Variants in ROBO2 observed in about 807,000 individuals in gnomAD.
The protein encoded by ROBO2 is roundabout homolog 2.
In ROBO2, 53 loss-of-function variants were observed where a neutral mutation model predicts 160.8. The observed-to-expected ratio is 0.33, with a 90% CI of 0.26 to 0.41. The LOEUF (loss-of-function observed/expected upper bound fraction) is 0.41. Ranked by LOEUF, ROBO2 falls within the 10% of genes least tolerant of loss-of-function variation. ROBO2 has a pLI of 1.00. For synonymous variants in ROBO2, 664 were observed against 611.7 expected, an observed-to-expected ratio of 1.09 and a Z score of -1.26; for missense variants, 1,577 against 1,722.4, an observed-to-expected ratio of 0.92 and a Z score of 1.49.
At chr3:75,908,264 G>T (rs1310450803) in intron 1 of ROBO2, among the ~76,000 whole-genome samples, 2 of 152,050 alleles carry the variant, frequency 1.3e-5, no homozygotes, top group Non-Finnish European at 2.9e-5. Flanking sequence ...GAGCTTAAAG[G>T]TTTCTCAGAT....
chr3:76,597,672 T>A (rs890563843), intron 2 of ROBO2, among the ~76,000 whole-genome samples: 1 of 152,128 alleles, frequency 6.6e-6, no homozygotes, highest in Non-Finnish European at 1.5e-5. Context: ...AAATGATACA[T>A]TTTCTGATCC....
At chr3:77,292,900 C>T (rs1184716149) in intron 2 of ROBO2, among the ~76,000 whole-genome samples, 7 of 147,180 alleles carry the variant, frequency 4.8e-5, no homozygotes, top group Non-Finnish European at 1.0e-4. Flanking sequence ...AAACGGTAAG[C>T]TGAGGCTAGA....
intron 2 of ROBO2, among the ~76,000 whole-genome samples, chr3:76,439,951 TGA>T (rs2076849237): frequency 6.6e-6 from 1 of 152,096 alleles, no homozygotes; most frequent in African/African-American, 2.4e-5. Context: ...TCCTTAAGCC[TGA>T]GCAGGTTCTA....
At position 76,572,627 on chromosome 3, in the gene ROBO2, C is replaced by T. The variant is rs191532677; in HGVS notation, c.110-525387C>T. 5.3e-5 allele frequency among the ~76,000 whole-genome samples: 8 copies of T among 152,184 alleles called. No individual in the cohort carries two copies. In the East Asian group the frequency reaches 5.8e-4, roughly 11 times the overall value. On this transcript the variant is annotated intron_variant, in intron 2 of 26. Coordinates refer to the ROBO2 transcript ENST00000487694. ...AGATATTCTTATGTCAAAATGAATA[C>T]GTCAAAAAGTATGTAAGTCTCTGAG...
At chr3:76,877,553 G>T (rs184773452) in intron 2 of ROBO2, among the ~76,000 whole-genome samples, 26 of 152,306 alleles carry the variant, frequency 1.7e-4, no homozygotes, top group Non-Finnish European at 3.1e-4. Flanking sequence ...TGAAGTAAAT[G>T]ATGACATGTT....
intron 2 of ROBO2, among the ~76,000 whole-genome samples, chr3:76,275,117 G>A (rs186057611): frequency 1.2e-4 from 19 of 152,186 alleles, no homozygotes; most frequent in African/African-American, 4.1e-4. Context: ...CAATAATTGC[G>A]CCGTGCAAGT....
intron 2 of ROBO2, among the ~76,000 whole-genome samples, chr3:77,200,553 C>A (rs921795214): frequency 1.3e-5 from 2 of 151,680 alleles, no homozygotes; most frequent in African/African-American, 2.4e-5. Flanking sequence ...GGCTGAGGGT[C>A]CCATGAACAG....
intron 2 of ROBO2, among the ~76,000 whole-genome samples, chr3:76,916,469 G>A (rs1432170240): frequency 6.6e-6 from 1 of 151,664 alleles, no homozygotes; most frequent in African/African-American, 2.4e-5. Context: ...AGCCTCCCGA[G>A]CATTTGGGAC....
At chr3:76,412,672 A>G (rs2075555240) in intron 2 of ROBO2, among the ~76,000 whole-genome samples, 2 of 152,228 alleles carry the variant, frequency 1.3e-5, no homozygotes, top group Non-Finnish European at 2.9e-5. Flanking sequence ...ACTCTAGGTC[A>G]TGCTGATGGA....
At chr3:77,108,842 T>C (rs1478836115) in intron 2 of ROBO2, among the ~76,000 whole-genome samples, 1 of 152,112 alleles carries the variant, frequency 6.6e-6, no homozygotes, top group Non-Finnish European at 1.5e-5. Context: ...ATAATTTAAA[T>C]AGCGAGGTAG....
Position 77,074,673 on chromosome 3 carries a change from T to C in ROBO2, c.62-23341T>C, listed in dbSNP as rs140376203. On this transcript the variant is annotated intron_variant, in intron 1 of 25. Transcript: ENST00000461745. ...CTTCCTAGAGAAAGCATCACCTTTA[T>C]TGTTTGATCTCCCCTTCTGTGATGT... 1.6e-3 allele frequency among the ~76,000 whole-genome samples: 237 copies of C among 152,274 alleles called. 3 individuals are homozygous for C. Among genetic ancestry groups the C allele is most frequent in the African/African-American group, 5.6e-3 (233 of 41,562 alleles).
intron 5 of ROBO2, among the ~76,000 whole-genome samples, chr3:77,518,680 G>A (rs544349453): frequency 1.6e-4 from 24 of 151,510 alleles, no homozygotes; most frequent in Admixed American, 3.3e-4. Flanking sequence ...GGTGCAATGC[G>A]TAGATATGTC....
chr3:76,656,381 C>A (rs555670254), intron 2 of ROBO2, among the ~76,000 whole-genome samples: 4 of 152,148 alleles, frequency 2.6e-5, no homozygotes, highest in African/African-American at 9.7e-5. Context: ...AGCATTTACA[C>A]TGATAAATAA....
At chr3:76,963,786 A>G (rs2079844415) in intron 2 of ROBO2, among the ~76,000 whole-genome samples, 1 of 146,664 alleles carries the variant, frequency 6.8e-6, no homozygotes, top group South Asian at 2.1e-4. Flanking sequence ...GTATATGTAG[A>G]TTTTAAACTG....
intron 2 of ROBO2, among the ~76,000 whole-genome samples, chr3:76,067,353 T>C (rs2068288079): frequency 6.6e-6 from 1 of 152,212 alleles, no homozygotes; most frequent in African/African-American, 2.4e-5. Flanking sequence ...TGTATACTAG[T>C]AACAGGGACT....
At chr3:76,841,853 A>G (rs567882382) in intron 2 of ROBO2, among the ~76,000 whole-genome samples, 7 of 152,314 alleles carry the variant, frequency 4.6e-5, no homozygotes, top group African/African-American at 1.4e-4. Flanking sequence ...TAGCTGAAGC[A>G]GAAGTTGTCT....
chr3:77,293,828 T>A (rs1305948272), intron 2 of ROBO2, among the ~76,000 whole-genome samples: 7 of 138,614 alleles, frequency 5.0e-5, no homozygotes, highest in Non-Finnish European at 1.1e-4. Context: ...TAAAGTAGAA[T>A]TGATGGTTAA....
At chr3:76,832,332 T>TTATATTTTAGCACACTTATCA (rs1383639651) in intron 2 of ROBO2, among the ~76,000 whole-genome samples, 1 of 152,192 alleles carries the variant, frequency 6.6e-6, no homozygotes, top group Non-Finnish European at 1.5e-5. Context: ...TTAAAATCAA[T>TTATATTTTAGCACACTTATCA]ATGAAATTAT....
intron 2 of ROBO2, among the ~76,000 whole-genome samples, chr3:75,958,242 C>A (rs1410766210): frequency 1.3e-5 from 2 of 151,754 alleles, no homozygotes; most frequent in East Asian, 1.9e-4. Context: ...ATCTTATTCA[C>A]ACATACAATA....
Sources: gnomAD v4.1 joint callset for allele counts (sites outside exome capture counted in the v4.1 genomes callset) on GRCh38, gnomAD v4.1.1 for gene constraint, MANE v1.5 for transcripts, NCBI Gene and HGNC (gene_info 2026-07-23, HGNC 2026-07-21) for gene names.